The following ANO10 variants were observed in gnomAD, a reference collection of about 807,000 sequenced individuals.
ANO10 encodes the protein anoctamin 10, also known as anoctamin-10.
In ANO10, 77 loss-of-function variants were observed where a neutral mutation model predicts 74.7. That is an observed-to-expected ratio of 1.03 (90% CI 0.86 to 1.25). ANO10 has a LOEUF of 1.25. Ranked by LOEUF, ANO10 falls within the 50% of genes most tolerant of loss-of-function variation. The pLI is 0.00. For synonymous variants in ANO10, 279 were observed against 284.9 expected (o/e 0.98, Z 0.21); for missense variants, 721 against 778.1 (o/e 0.93, Z 0.87).
chr3:43,668,221 T>C (rs930084964), intron 1 of ANO10, among the ~76,000 whole-genome samples: 10 of 152,164 alleles, frequency 6.6e-5, no homozygotes, highest in Admixed American at 1.3e-4. Context: ...TGTTGGCTGT[T>C]TGTATATCTT....
chr3:43,393,664 A>G (rs746659152), intron 12 of ANO10, among the ~76,000 whole-genome samples: 3 of 152,038 alleles, frequency 2.0e-5, no homozygotes, highest in Non-Finnish European at 4.4e-5. Flanking sequence ...TCCTGCATTT[A>G]CCATGGGCAC....
At chr3:43,385,654 T>C (rs1270947282) in intron 12 of ANO10, among the ~76,000 whole-genome samples, 1 of 150,024 alleles carries the variant, frequency 6.7e-6, no homozygotes, top group African/African-American at 2.5e-5. Context: ...GTAAGGTAAC[T>C]CAGGAATGGA....
Position 43,577,276 on chromosome 3 carries a change from A to G in ANO10, c.593-15T>C, listed in dbSNP as rs761199456. ...ACGAATACTGTCTATAGTGGAAACA[A>G]AGAAAGAACATAAGTATAGACTACC... On this transcript the variant is annotated splice_polypyrimidine_tract_variant and intron_variant, in intron 5 of 12. Coordinates refer to ENST00000292246, the MANE Select transcript of ANO10 (RefSeq NM_018075.5). 6.2e-7 allele frequency: 1 copy of G among 1,608,644 alleles called. No individual in the cohort carries two copies. Among genetic ancestry groups the G allele is most frequent in the South Asian group, 1.1e-5 (1 of 90,798 alleles).
chr3:43,675,063 C>T (rs1295200325), intron 1 of ANO10, among the ~76,000 whole-genome samples: 1 of 152,158 alleles, frequency 6.6e-6, no homozygotes, highest in Non-Finnish European at 1.5e-5. Context: ...ATGTTTTACA[C>T]ATCTCACATA....
chr3:43,616,776 T>C (rs969881155), intron 1 of ANO10, among the ~76,000 whole-genome samples: 6 of 152,168 alleles, frequency 3.9e-5, no homozygotes, highest in African/African-American at 9.7e-5. Flanking sequence ...CTCTTCTTTC[T>C]GTCCCTGAAG....
chr3:43,523,799 A>C (rs536005042), intron 11 of ANO10, among the ~76,000 whole-genome samples: 1 of 152,240 alleles, frequency 6.6e-6, no homozygotes, highest in Non-Finnish European at 1.5e-5. Context: ...AAGGTAACGC[A>C]AGCCATGGAG....
At position 43,607,722 on chromosome 3, in the gene ANO10, A is replaced by C. The variant is rs113827636; in HGVS notation, c.-11-1859T>G. ...TAGAAACAAACACATAATAGATCCAAATAATGTAAGTGAAAGGACTTTAAA... is the reference window on the plus strand; with the variant it reads ...TAGAAACAAACACATAATAGATCCACATAATGTAAGTGAAAGGACTTTAAA... On this transcript the variant is annotated intron_variant, in intron 1 of 12. Transcript: ENST00000292246. Among the ~76,000 whole-genome samples the C allele has an allele frequency of 9.5e-3, 1,446 of 152,344 alleles. 12 individuals are homozygous for C. The highest frequency in any genetic ancestry group is 0.031 in the Middle Eastern group (9 of 294).
chr3:43,401,682 T>C (rs2092484489), intron 12 of ANO10, among the ~76,000 whole-genome samples: 2 of 152,248 alleles, frequency 1.3e-5, no homozygotes, highest in African/African-American at 2.4e-5. Context: ...TCTTTTGTTA[T>C]AATTATAGAA....
chr3:43,414,516 C>T (rs1014380539), intron 12 of ANO10, among the ~76,000 whole-genome samples: 4 of 152,158 alleles, frequency 2.6e-5, no homozygotes, highest in African/African-American at 9.7e-5. Context: ...AGGAAGGCTA[C>T]TGCTTGGTGA....
chr3:43,641,909 C>T (rs1337481536), intron 1 of ANO10, among the ~76,000 whole-genome samples: 2 of 152,130 alleles, frequency 1.3e-5, no homozygotes, highest in Non-Finnish European at 2.9e-5. Flanking sequence ...TAGATCCTTA[C>T]CACCTACCCA....
intron 10 of ANO10, among the ~76,000 whole-genome samples, chr3:43,552,817 G>C (rs1030094220): frequency 7.4e-4 from 112 of 150,716 alleles, no homozygotes; most frequent in African/African-American, 8.8e-4. Context: ...TTTTGAGATG[G>C]AGCTTTGCTC....
chr3:43,460,161 T>C (rs949175955), intron 11 of ANO10, among the ~76,000 whole-genome samples: 1 of 151,860 alleles, frequency 6.6e-6, no homozygotes, highest in Non-Finnish European at 1.5e-5. Flanking sequence ...AATCAAAGAG[T>C]ATAGCATGAT....
chr3:43,533,651 C>A (rs539524513), intron 11 of ANO10, among the ~76,000 whole-genome samples: 8 of 152,306 alleles, frequency 5.3e-5, no homozygotes, highest in African/African-American at 1.9e-4. Context: ...TATTCATAAG[C>A]AGTTCTTGCT....
At chr3:43,504,300 G>GTAGGTAGGTAGGTAGATAGA (rs71083075) in intron 11 of ANO10, among the ~76,000 whole-genome samples, 1 of 139,724 alleles carries the variant, frequency 7.2e-6, no homozygotes, top group Non-Finnish European at 1.5e-5. Context: ...AGGTAGGTAG[G>GTAGGTAGGTAGGTAGATAGA]TAGATAGATA....
chr3:43,606,566 G>T (rs1035176072), intron 1 of ANO10, among the ~76,000 whole-genome samples: 16 of 151,954 alleles, frequency 1.1e-4, no homozygotes, highest in Non-Finnish European at 2.4e-4. Flanking sequence ...GCTGATACTG[G>T]TCTGAACAAT....
chr3:43,642,041 T>A (rs1179997557), intron 1 of ANO10, among the ~76,000 whole-genome samples: 3 of 152,180 alleles, frequency 2.0e-5, no homozygotes, highest in African/African-American at 7.2e-5. Flanking sequence ...AAGGACATTC[T>A]CCTTACTGGT....
At chr3:43,468,700 C>CTT (rs11442210) in intron 11 of ANO10, among the ~76,000 whole-genome samples, 1 of 149,768 alleles carries the variant, frequency 6.7e-6, no homozygotes, top group African/African-American at 2.5e-5. Context: ...AGTGGGTTTT[C>CTT]TTTTTTTTGT....
In ANO10 at chr3:43,576,775, T is replaced by C. The variant is rs757689043; in HGVS notation, c.1079A>G (p.Tyr360Cys). 4 of 1,614,000 alleles carry C rather than the reference T, an allele frequency of 2.5e-6. No homozygotes were observed. Among genetic ancestry groups the C allele is most frequent in the Non-Finnish European group, 1.7e-6 (2 of 1,180,044 alleles). Residue 360 changes from tyrosine (Y) to cysteine (C), a missense_variant, in exon 6 of 13, where the codon TAT (tyrosine) becomes TGT (cysteine). By Grantham distance (194) the Tyr-to-Cys change is radical. Transcript: ENST00000292246. ...SGSEWTSVLL[Y>C]VPSIIYAIVI... Reference sequence around the variant, plus strand: ...AATGGCATAGATGATGCTGGGCACATACAACAGGACACTGGTCCACTCAGA... The same window carrying C: ...AATGGCATAGATGATGCTGGGCACACACAACAGGACACTGGTCCACTCAGA...
At chr3:43,455,856 A>G (rs1287491177) in intron 11 of ANO10, among the ~76,000 whole-genome samples, 1 of 152,194 alleles carries the variant, frequency 6.6e-6, no homozygotes, top group Non-Finnish European at 1.5e-5. Context: ...AAAATAAATT[A>G]TAATATCCTG....
Sources: gnomAD v4.1 joint callset for allele counts (sites outside exome capture counted in the v4.1 genomes callset) on GRCh38, gnomAD v4.1.1 for gene constraint, MANE v1.5 for transcripts, NCBI Gene and HGNC (gene_info 2026-07-23, HGNC 2026-07-21) for gene names.